Variants in KHDC1 observed in about 807,000 individuals in gnomAD.
KHDC1 encodes KH homology domain-containing protein 1.
In KHDC1, 21 loss-of-function variants were observed where a neutral mutation model predicts 24.7. That is an observed-to-expected ratio of 0.85 (90% confidence interval 0.60 to 1.23). The LOEUF is 1.23. KHDC1 is among the 50% of genes most tolerant of loss of function. The pLI, the probability that KHDC1 is intolerant of heterozygous loss-of-function variation, is 0.00. For synonymous variants in KHDC1, 98 were observed against 111.7 expected, an observed-to-expected ratio of 0.88 and a Z score of 0.77; for missense variants, 274 against 298.5, an observed-to-expected ratio of 0.92 and a Z score of 0.61.
chr6:73,266,513 C>A (rs1247493614), intron 2 of KHDC1, among the ~76,000 whole-genome samples: 1 of 152,130 alleles, frequency 6.6e-6, no homozygotes, highest in African/African-American at 2.4e-5. Flanking sequence ...GGTGCCAAGA[C>A]CATTCGATGG....
chr6:73,284,211 GTT>G (rs1194354896), intron 2 of KHDC1, among the ~76,000 whole-genome samples: 1 of 152,152 alleles, frequency 6.6e-6, no homozygotes, highest in East Asian at 1.9e-4. Context: ...TGTAGGCATA[GTT>G]TTTGTAATCC....
In KHDC1 at chr6:73,279,222, C is replaced by T. The variant is rs537770522; in HGVS notation, c.206+12776G>A. Among the ~76,000 whole-genome samples, 6 of 152,266 alleles carry T rather than the reference C, an allele frequency of 3.9e-5. No individual in the cohort carries two copies. The East Asian group carries it at 7.7e-4, about 20-fold the overall frequency. ...AGGAGTTCAAGACCACCTTGGCCAA[C>T]GTGACGAAACCCCGTCTCTACTAAA... On this transcript the variant is annotated intron_variant, in intron 2 of 4. Transcript: ENST00000370384.
chr6:73,281,246 G>T (rs1373000290), intron 2 of KHDC1, among the ~76,000 whole-genome samples: 2 of 152,026 alleles, frequency 1.3e-5, no homozygotes, highest in Admixed American at 1.3e-4. Flanking sequence ...GGCTAAGGCA[G>T]GAGAATCACT....
intron 1 of KHDC1, among the ~76,000 whole-genome samples, chr6:73,304,883 T>C (rs1317490316): frequency 6.6e-6 from 1 of 152,116 alleles, no homozygotes; most frequent in Non-Finnish European, 1.5e-5. Context: ...AGATATATCC[T>C]GGTAATATTT....
intron 2 of KHDC1, among the ~76,000 whole-genome samples, chr6:73,271,660 G>T (rs1350357332): frequency 6.6e-6 from 1 of 151,366 alleles, no homozygotes; most frequent in African/African-American, 2.4e-5. Flanking sequence ...ATGGGAGGCC[G>T]AGGTGGGTGG....
intron 2 of KHDC1, among the ~76,000 whole-genome samples, chr6:73,243,952 T>C (rs1010647891): frequency 6.6e-6 from 1 of 152,182 alleles, no homozygotes; most frequent in Non-Finnish European, 1.5e-5. Flanking sequence ...TTGGACCGCC[T>C]TTTCTAGTAG....
intron 1 of KHDC1, among the ~76,000 whole-genome samples, chr6:73,302,453 A>G (rs1249598693): frequency 1.1e-4 from 17 of 152,214 alleles, no homozygotes; most frequent in Admixed American, 1.1e-3. Flanking sequence ...ATAGCCTACT[A>G]TACACCCAAG....
intron 1 of KHDC1, among the ~76,000 whole-genome samples, chr6:73,293,836 G>A (rs1489318941): frequency 4.6e-5 from 7 of 151,840 alleles, no homozygotes; most frequent in South Asian, 2.1e-4. Context: ...GTGAAACCCC[G>A]TCTCTACAAA....
chr6:73,290,179 A>C (rs1423834217), intron 2 of KHDC1, among the ~76,000 whole-genome samples: 1 of 150,700 alleles, frequency 6.6e-6, no homozygotes, highest in Non-Finnish European at 1.5e-5. Flanking sequence ...CGGGAAGCTG[A>C]GGCAGGGAAA....
At chr6:73,295,377 AT>A (rs1421141066) in intron 1 of KHDC1, among the ~76,000 whole-genome samples, 16 of 152,148 alleles carry the variant, frequency 1.1e-4, no homozygotes, top group African/African-American at 3.9e-4. Flanking sequence ...AATCTCAGGT[AT>A]TTTTTTTACA....
chr6:73,279,614 C>T (rs579736), intron 2 of KHDC1, among the ~76,000 whole-genome samples: 91,568 of 134,840 alleles, frequency 0.68, 33,221 homozygotes, highest in Middle Eastern at 0.83. Context: ...GATGTGGTGT[C>T]GCTGTCACCC....
intron 1 of KHDC1, among the ~76,000 whole-genome samples, chr6:73,301,719 C>A (rs929279383): frequency 1.3e-5 from 2 of 152,048 alleles, no homozygotes; most frequent in African/African-American, 4.8e-5. Context: ...GCAGCCTCGA[C>A]CTCCTAGGCT....
At position 73,248,279 on chromosome 6, in the gene KHDC1, G is replaced by C. The variant is rs192561857; in HGVS notation, c.207-5749C>G. ...TTTGCACAGTCCTGAGATTGAGAGC[G>C]TGGAGCATCCCCCTTCCTGCTCCCT... On this transcript the variant is annotated intron_variant, in intron 2 of 4. Coordinates refer to ENST00000370384, the Ensembl canonical transcript of KHDC1. Among the ~76,000 whole-genome samples, 716 of 152,214 alleles carry C rather than the reference G, an allele frequency of 4.7e-3. 3 individuals carry two copies. Among genetic ancestry groups the C allele is most frequent in the Non-Finnish European group, 7.8e-3 (533 of 68,008 alleles).
chr6:73,241,503 A>T, exon 5 of KHDC1: 2 of 1,606,668 alleles, frequency 1.2e-6, no homozygotes, highest in Non-Finnish European at 1.7e-6. Flanking sequence ...TCTCATCCCC[A>T]CTTCCCAGGG....
At chr6:73,292,113 TAG>T (rs1389936491) in intron 1 of KHDC1, 6 of 1,598,156 alleles carry the variant, frequency 3.8e-6, no homozygotes, top group Non-Finnish European at 5.1e-6. Flanking sequence ...GCCAACATGG[TAG>T]ACTTTGCTAT....
At chr6:73,266,035 C>T (rs1455874305) in intron 2 of KHDC1, among the ~76,000 whole-genome samples, 2 of 152,066 alleles carry the variant, frequency 1.3e-5, no homozygotes, top group African/African-American at 4.8e-5. Context: ...ATACAAAAAG[C>T]ATTGACAAAA....
chr6:73,275,712 A>G (rs75743537), intron 2 of KHDC1: 8,889 of 164,654 alleles, frequency 0.054, 284 homozygotes, highest in African/African-American at 0.091. Flanking sequence ...TCTCCCCCCA[A>G]TCCCCTCCCA....
intron 1 of KHDC1, among the ~76,000 whole-genome samples, chr6:73,298,737 A>T (rs1453756685): frequency 2.0e-5 from 3 of 150,412 alleles, no homozygotes; most frequent in African/African-American, 7.3e-5. Flanking sequence ...CCGGCCTGTA[A>T]ACTTTTAAGA....
rs1298394246 is a variant in KHDC1, at chr6:73,242,038, C to G, written c.514+17G>C. 1.3e-6 allele frequency: 2 copies of G among 1,599,510 alleles called. No individual in the cohort carries two copies. The highest frequency in any genetic ancestry group is 1.3e-5 in the African/African-American group (1 of 74,822). On this transcript the variant is annotated intron_variant, in intron 4 of 4. Transcript: ENST00000370384. ...CACCACCAAGTCTAAAACCACAGTT[C>G]AGCCAAGGATACCTACCTCGAGCAT...
Sources: gnomAD v4.1 joint callset for allele counts (sites outside exome capture counted in the v4.1 genomes callset) on GRCh38, gnomAD v4.1.1 for gene constraint, MANE v1.5 for transcripts, NCBI Gene and HGNC (gene_info 2026-07-23, HGNC 2026-07-21) for gene names.